The following CLSTN2 variants were observed in gnomAD, a reference collection of about 807,000 sequenced individuals.
CLSTN2 encodes calsyntenin-2.
CLSTN2 carries 48 observed loss-of-function variants against 101.2 expected under a neutral mutation model. That is an observed-to-expected ratio of 0.47 (90% CI 0.38 to 0.60). The LOEUF (loss-of-function observed/expected upper bound fraction) is 0.60. Ranked by LOEUF, CLSTN2 falls within the 20% of genes least tolerant of loss-of-function variation. The probability of loss-of-function intolerance (pLI) is 0.00; values close to 1 mark genes in which losing one functional copy is unlikely to be tolerated. For synonymous variants in CLSTN2, 481 were observed against 463.6 expected (o/e 1.04, Z -0.48); for missense variants, 1,160 against 1,238.2 (o/e 0.94, Z 0.95).
chr3:140,352,779 C>T (rs1241714088), intron 2 of CLSTN2, among the ~76,000 whole-genome samples: 1 of 152,052 alleles, frequency 6.6e-6, no homozygotes, highest in Non-Finnish European at 1.5e-5. Context: ...TTATCTTCTT[C>T]AGAGCAGGGA....
intron 2 of CLSTN2, among the ~76,000 whole-genome samples, chr3:140,388,061 TAG>T (rs1287791999): frequency 6.6e-6 from 1 of 152,248 alleles, no homozygotes; most frequent in Non-Finnish European, 1.5e-5. Context: ...TCACCAGCAG[TAG>T]CTGAAATCTT....
chr3:140,087,155 G>C (rs2008694571), intron 1 of CLSTN2, among the ~76,000 whole-genome samples: 1 of 152,094 alleles, frequency 6.6e-6, no homozygotes, highest in South Asian at 2.1e-4. Context: ...TGAAGTACAG[G>C]CTCAGAAACC....
At chr3:140,213,911 G>T (rs778731490) in intron 2 of CLSTN2, among the ~76,000 whole-genome samples, 59 of 152,128 alleles carry the variant, frequency 3.9e-4, no homozygotes, top group Non-Finnish European at 7.2e-4. Flanking sequence ...TTTGCTGGAG[G>T]GATATGAGAG....
intron 6 of CLSTN2, among the ~76,000 whole-genome samples, chr3:140,456,018 G>T (rs1044947828): frequency 3.3e-5 from 5 of 152,200 alleles, no homozygotes; most frequent in African/African-American, 1.2e-4. Context: ...GCAGTGGCCT[G>T]TGTAGGGAGG....
chr3:140,384,031 T>C (rs750400687), intron 2 of CLSTN2, among the ~76,000 whole-genome samples: 1 of 152,254 alleles, frequency 6.6e-6, no homozygotes. Flanking sequence ...CTAGGTAATC[T>C]ACAGCTCTTT....
chr3:140,265,703 T>C (rs1422924407), intron 2 of CLSTN2, among the ~76,000 whole-genome samples: 1 of 152,148 alleles, frequency 6.6e-6, no homozygotes, highest in East Asian at 1.9e-4. Flanking sequence ...TTGAGTTTTC[T>C]TAGGTAAGGG....
intron 2 of CLSTN2, among the ~76,000 whole-genome samples, chr3:140,338,289 T>C (rs1271973909): frequency 6.6e-6 from 1 of 152,188 alleles, no homozygotes; most frequent in Non-Finnish European, 1.5e-5. Context: ...TGCTCCGTAC[T>C]GCAGCCAGTG....
At chr3:140,293,783 G>A (rs1027317896) in intron 2 of CLSTN2, among the ~76,000 whole-genome samples, 1 of 152,118 alleles carries the variant, frequency 6.6e-6, no homozygotes, top group African/African-American at 2.4e-5. Context: ...GCATTGATGG[G>A]CACCTCTGAT....
At chr3:140,148,140 C>A (rs1389198518) in intron 1 of CLSTN2, among the ~76,000 whole-genome samples, 2 of 152,194 alleles carry the variant, frequency 1.3e-5, no homozygotes, top group African/African-American at 2.4e-5. Flanking sequence ...CCTGCTACAG[C>A]CCCTTAGCTA....
chr3:140,410,328 G>A (rs2088349130), intron 4 of CLSTN2, among the ~76,000 whole-genome samples: 1 of 148,356 alleles, frequency 6.7e-6, no homozygotes, highest in East Asian at 2.0e-4. Flanking sequence ...GAACCTCACT[G>A]AAGCTATCAG....
chr3:140,369,754 T>A (rs923311310), intron 2 of CLSTN2, among the ~76,000 whole-genome samples: 1 of 152,134 alleles, frequency 6.6e-6, no homozygotes, highest in Non-Finnish European at 1.5e-5. Context: ...ACTCATTTCT[T>A]ACCTAGCCTT....
chr3:140,420,469 T>A (rs9653941), intron 4 of CLSTN2, among the ~76,000 whole-genome samples: 8,958 of 152,230 alleles, frequency 0.059, 884 homozygotes, highest in African/African-American at 0.2. Flanking sequence ...CAAATATTTA[T>A]TTCAGAACTA....
At chr3:140,543,804 T>G (rs1935533177) in intron 9 of CLSTN2, among the ~76,000 whole-genome samples, 1 of 152,236 alleles carries the variant, frequency 6.6e-6, no homozygotes, top group Non-Finnish European at 1.5e-5. Flanking sequence ...GACAATCAAC[T>G]TATTTCATGA....
intron 4 of CLSTN2, among the ~76,000 whole-genome samples, chr3:140,406,914 TACTC>T (rs2088310248): frequency 6.6e-6 from 1 of 152,374 alleles, no homozygotes; most frequent in South Asian, 2.1e-4. Context: ...TGAAGATAAT[TACTC>T]ACCTTGATGA....
chr3:140,318,888 C>T (rs1244228295), intron 2 of CLSTN2, among the ~76,000 whole-genome samples: 1 of 152,268 alleles, frequency 6.6e-6, no homozygotes, highest in East Asian at 1.9e-4. Context: ...TCCTGCAAAA[C>T]AATCTGTCCT....
At chr3:140,013,058 G>A (rs1217348591) in intron 1 of CLSTN2, among the ~76,000 whole-genome samples, 1 of 152,188 alleles carries the variant, frequency 6.6e-6, no homozygotes, top group Non-Finnish European at 1.5e-5. Context: ...AGGGAGGAGG[G>A]CCTGCTCAAT....
intron 1 of CLSTN2, among the ~76,000 whole-genome samples, chr3:140,159,784 T>C (rs1380278895): frequency 6.6e-6 from 1 of 152,138 alleles, no homozygotes; most frequent in Non-Finnish European, 1.5e-5. Flanking sequence ...AACAGTAGAT[T>C]GGATAAAGAA....
intron 5 of CLSTN2, among the ~76,000 whole-genome samples, chr3:140,427,758 T>A (rs192276965): frequency 1.8e-4 from 28 of 152,298 alleles, no homozygotes; most frequent in Non-Finnish European, 2.4e-4. Context: ...TTCTTTTTTT[T>A]ATTATTTCCT....
intron 4 of CLSTN2, among the ~76,000 whole-genome samples, chr3:140,406,722 T>C (rs79402248): frequency 0.016 from 2,365 of 152,326 alleles, 62 homozygotes; most frequent in African/African-American, 0.053. Context: ...GTGCAGTGTA[T>C]CCCATAAAAG....
Sources: allele counts gnomAD v4.1 joint callset (sites outside exome capture counted in the v4.1 genomes callset), GRCh38; gene constraint gnomAD v4.1.1; transcripts MANE v1.5; gene names NCBI Gene and HGNC (gene_info 2026-07-23, HGNC 2026-07-21).